The following ADAMTS19 variants were observed in gnomAD, a reference collection of about 807,000 sequenced individuals.
ADAMTS19 encodes the protein A disintegrin and metalloproteinase with thrombospondin motifs 19.
ADAMTS19 carries 93 observed loss-of-function variants against 153.3 expected under a neutral mutation model. The observed-to-expected ratio is 0.61, with a 90% CI of 0.51 to 0.72. ADAMTS19 has a LOEUF of 0.72. Among genes scored for constraint, ADAMTS19 ranks in the 30% least tolerant of loss-of-function variants. The pLI is 0.00. For synonymous variants in ADAMTS19, 600 were observed against 556.6 expected (o/e 1.08, Z -1.10); for missense variants, 1,482 against 1,552.1 (o/e 0.95, Z 0.76).
chr5:129,718,856 G>A (rs1283328621), intron 21 of ADAMTS19, among the ~76,000 whole-genome samples: 2 of 152,152 alleles, frequency 1.3e-5, no homozygotes, highest in African/African-American at 2.4e-5. Context: ...TTTGTGCTCT[G>A]CCAGTGACAA....
intron 3 of ADAMTS19, among the ~76,000 whole-genome samples, chr5:129,513,983 A>G (rs6897076): frequency 0.43 from 65,490 of 151,728 alleles, 18,260 homozygotes; most frequent in African/African-American, 0.79. Flanking sequence ...TACTGTTTAT[A>G]TCCATGAGTT....
intron 16 of ADAMTS19, among the ~76,000 whole-genome samples, chr5:129,679,472 A>T (rs1009999354): frequency 1.3e-4 from 20 of 152,224 alleles, no homozygotes; most frequent in Admixed American, 3.9e-4. Flanking sequence ...GTTAAAGAAT[A>T]AATGATTAAG....
intron 15 of ADAMTS19, among the ~76,000 whole-genome samples, chr5:129,664,241 G>A (rs1330709605): frequency 6.6e-6 from 1 of 152,132 alleles, no homozygotes; most frequent in Non-Finnish European, 1.5e-5. Flanking sequence ...ATTTGCCATT[G>A]TATTCAACTC....
intron 21 of ADAMTS19, among the ~76,000 whole-genome samples, chr5:129,707,017 G>A (rs1756190335): frequency 6.6e-6 from 1 of 152,148 alleles, no homozygotes; most frequent in Admixed American, 6.5e-5. Flanking sequence ...GGAAAGAAAA[G>A]AATAGCTTCA....
intron 7 of ADAMTS19, among the ~76,000 whole-genome samples, chr5:129,589,416 A>G (rs1231644840): frequency 6.6e-6 from 1 of 151,934 alleles, no homozygotes; most frequent in Non-Finnish European, 1.5e-5. Context: ...TTATAATTAC[A>G]TATATGTTAT....
intron 3 of ADAMTS19, among the ~76,000 whole-genome samples, chr5:129,516,210 C>T (rs984432785): frequency 7.3e-5 from 11 of 149,662 alleles, no homozygotes; most frequent in African/African-American, 2.7e-4. Flanking sequence ...AGGATTTTTG[C>T]ATCAGTATTC....
At chr5:129,645,053 ATG>A (rs901007758) in intron 11 of ADAMTS19, among the ~76,000 whole-genome samples, 6 of 152,118 alleles carry the variant, frequency 3.9e-5, no homozygotes, top group African/African-American at 9.7e-5. Flanking sequence ...CCCCTTTCAA[ATG>A]TGTGTTTTCA....
chr5:129,660,368 T>C (rs1296611491), intron 15 of ADAMTS19, among the ~76,000 whole-genome samples: 2 of 152,122 alleles, frequency 1.3e-5, no homozygotes, highest in African/African-American at 4.8e-5. Context: ...TCTGCCTGAT[T>C]GTGATGGCAG....
At chr5:129,542,007 T>G (rs1752669485) in intron 6 of ADAMTS19, among the ~76,000 whole-genome samples, 1 of 152,184 alleles carries the variant, frequency 6.6e-6, no homozygotes, top group Non-Finnish European at 1.5e-5. Context: ...ATTGAGACTC[T>G]GAATATGTTT....
intron 18 of ADAMTS19, among the ~76,000 whole-genome samples, chr5:129,690,064 T>G (rs1337147376): frequency 6.6e-6 from 1 of 152,208 alleles, no homozygotes; most frequent in African/African-American, 2.4e-5. Flanking sequence ...ACTGACAGCT[T>G]GAATTACATG....
intron 19 of ADAMTS19, among the ~76,000 whole-genome samples, chr5:129,697,639 G>A (rs1344716894): frequency 2.0e-4 from 31 of 152,238 alleles, no homozygotes; most frequent in Admixed American, 2.0e-3. Flanking sequence ...ATCAGGTACA[G>A]TGACCTAGGG....
intron 10 of ADAMTS19, among the ~76,000 whole-genome samples, chr5:129,635,378 G>C (rs147993586): frequency 1.4e-3 from 218 of 152,216 alleles, no homozygotes; most frequent in South Asian, 3.9e-3. Flanking sequence ...AACAGAAATA[G>C]CATTTGACCA....
chr5:129,600,384 C>T (rs1020973167), intron 8 of ADAMTS19, among the ~76,000 whole-genome samples: 5 of 151,960 alleles, frequency 3.3e-5, no homozygotes, highest in East Asian at 1.9e-4. Context: ...AAACTAATAA[C>T]GAACTATGAT....
chr5:129,664,454 GCAATT>G (rs1222341792), intron 15 of ADAMTS19, among the ~76,000 whole-genome samples: 10 of 152,104 alleles, frequency 6.6e-5, no homozygotes, highest in African/African-American at 2.4e-4. Flanking sequence ...GCTGAAATGT[GCAATT>G]CAATAGTTAA....
intron 19 of ADAMTS19, among the ~76,000 whole-genome samples, chr5:129,695,266 T>C (rs557024307): frequency 2.0e-4 from 30 of 152,110 alleles, no homozygotes; most frequent in Non-Finnish European, 4.4e-4. Flanking sequence ...GCCAGGCCAG[T>C]GTAGTGTTTC....
chr5:129,722,207 C>T lies in ADAMTS19; in HGVS notation c.3313-12725C>T, dbSNP rs1315762012. ...CTTCCACAATTGTTAAACTAATTTA[C>T]ATTCCCACCAGCAGTGTAAAAGTGT... On this transcript the variant is annotated intron_variant, in intron 21 of 22. Transcript: ENST00000274487. Among the ~76,000 whole-genome samples, 3 of 152,330 alleles carry T rather than the reference C, an allele frequency of 2.0e-5. No homozygotes were observed. The South Asian group carries it at 6.2e-4, about 32-fold the overall frequency.
chr5:129,516,760 A>AT (rs58389356), intron 3 of ADAMTS19, among the ~76,000 whole-genome samples: 18 of 148,856 alleles, frequency 1.2e-4, no homozygotes, highest in South Asian at 4.2e-4. Flanking sequence ...TGTTTTATTG[A>AT]TTTTTTTTGT....
chr5:129,644,076 T>TA (rs1752947772), intron 11 of ADAMTS19, among the ~76,000 whole-genome samples: 1 of 152,214 alleles, frequency 6.6e-6, no homozygotes, highest in Non-Finnish European at 1.5e-5. Context: ...TATATAAACA[T>TA]AATTTGCAAT....
At chr5:129,508,493 T>C (rs1287546253) in intron 2 of ADAMTS19, among the ~76,000 whole-genome samples, 1 of 152,036 alleles carries the variant, frequency 6.6e-6, no homozygotes, top group Non-Finnish European at 1.5e-5. Flanking sequence ...TGGATGACTT[T>C]TAAAACATGT....
Sources: allele counts gnomAD v4.1 joint callset (sites outside exome capture counted in the v4.1 genomes callset), GRCh38; gene constraint gnomAD v4.1.1; transcripts MANE v1.5; gene names NCBI Gene and HGNC (gene_info 2026-07-23, HGNC 2026-07-21).